The following RGS12 variants were observed in gnomAD, a reference collection of about 807,000 sequenced individuals.
RGS12 encodes the protein regulator of G-protein signaling 12.
In RGS12, 66 loss-of-function variants were observed where a neutral mutation model predicts 120.1. That is an observed-to-expected ratio of 0.55 (90% CI 0.45 to 0.67). The LOEUF (loss-of-function observed/expected upper bound fraction) is 0.67. Ranked by LOEUF, RGS12 falls within the 30% of genes least tolerant of loss-of-function variation. The probability of loss-of-function intolerance (pLI) is 0.00; values close to 1 mark genes in which losing one functional copy is unlikely to be tolerated. For missense variants in RGS12, 1,859 were observed against 1,957.7 expected (o/e 0.95, Z 0.95); for synonymous variants, 827 against 804.7 (o/e 1.03, Z -0.47).
At chr4:3,295,968 T>C (rs1035638437) in intron 1 of RGS12, among the ~76,000 whole-genome samples, 1 of 152,216 alleles carries the variant, frequency 6.6e-6, no homozygotes, top group Non-Finnish European at 1.5e-5. Flanking sequence ...GGTGTCATCG[T>C]CAGCTGGCCA....
At chr4:3,436,235 G>A (rs912558951) in intron 17 of RGS12, among the ~76,000 whole-genome samples, 1 of 152,194 alleles carries the variant, frequency 6.6e-6, no homozygotes, top group African/African-American at 2.4e-5. Flanking sequence ...GTGCGCTGTG[G>A]TGGGAAGGCT....
chr4:3,287,146 C>G, the RGS12 span, among the ~76,000 whole-genome samples: 23 of 152,168 alleles, frequency 1.5e-4, no homozygotes, highest in East Asian at 3.9e-4. Flanking sequence ...GAAGAGCGAG[C>G]AGCGCCCAGG....
intron 3 of RGS12, 177 bp downstream of exon 3, chr4:3,343,230 C>A: frequency 1.8e-6 from 1 of 568,228 alleles, no homozygotes; most frequent in Non-Finnish European, 3.1e-6. Context: ...AACCTTTCTA[C>A]CCTGCAATGT....
Sources: allele counts gnomAD v4.1 joint callset (sites outside exome capture counted in the v4.1 genomes callset), GRCh38; gene constraint gnomAD v4.1.1; transcripts MANE v1.5; gene names NCBI Gene and HGNC (gene_info 2026-07-23, HGNC 2026-07-21).